HADHB: variants seen among roughly 807,000 people sequenced by gnomAD.
The protein encoded by HADHB is trifunctional enzyme subunit beta, mitochondrial.
In HADHB, 50 loss-of-function variants were observed where a neutral mutation model predicts 61.9. That is an observed-to-expected ratio of 0.81 (90% CI 0.64 to 1.02). HADHB has a LOEUF of 1.02. HADHB is among the 50% of genes least tolerant of loss of function. The pLI, the probability that HADHB is intolerant of heterozygous loss-of-function variation, is 0.00. For missense variants in HADHB, 504 were observed against 586.5 expected (o/e 0.86, Z 1.45); for synonymous variants, 191 against 201.6 (o/e 0.95, Z 0.45).
chr2:26,277,174 G>A lies in HADHB; in HGVS notation c.442+14G>A, dbSNP rs774290329. The A allele has an allele frequency of 2.6e-6, 3 of 1,174,794 alleles. No homozygotes were observed. The South Asian group carries it at 3.6e-5, about 14-fold the overall frequency. The allele number at this position is 1,174,794 out of a possible 1,614,324, so 72.8% of individuals were successfully genotyped here. On this transcript the variant is annotated intron_variant, in intron 7 of 15. Transcript: ENST00000317799. Reference sequence around the variant, plus strand: ...CCATGACCACAGGTATGTTTAAATGGAAACAGACAGTACATGTTAATTATT... The same window carrying A: ...CCATGACCACAGGTATGTTTAAATGAAAACAGACAGTACATGTTAATTATT...
At chr2:26,254,370 A>G (rs1217751282) in intron 2 of HADHB, 52 bp downstream of exon 2, 1 of 1,457,804 alleles carries the variant, frequency 6.9e-7, no homozygotes, top group East Asian at 2.3e-5. Flanking sequence ...GGATTTATAA[A>G]CATCTCGCAC....
intron 6 of HADHB, 87 bp downstream of exon 6, chr2:26,273,837 T>A: frequency 1.3e-6 from 1 of 766,160 alleles, no homozygotes; most frequent in Non-Finnish European, 2.3e-6. Flanking sequence ...TACAAAAGCC[T>A]TTAAAATCTA....
chr2:26,275,470 A>G (rs1574660210), intron 6 of HADHB, among the ~76,000 whole-genome samples: 1 of 152,210 alleles, frequency 6.6e-6, no homozygotes, highest in South Asian at 2.1e-4. Flanking sequence ...AGGGTCACCA[A>G]TAGCCACCTC....
Position 26,279,872 on chromosome 2 carries a change from T to C in HADHB, c.812-122T>C. On this transcript the variant is annotated intron_variant, in intron 9 of 15. Transcript: ENST00000317799. ...ATATGATAATTATAAAACACTTTCC[T>C]TCTAGTGAATAGGTAAGGTTTATAT... 9.7e-6 allele frequency: 7 copies of C among 722,522 alleles called. No individual in the cohort carries two copies. The South Asian group carries it at 1.2e-4, about 12-fold the overall frequency. The allele number at this position is 722,522 out of a possible 1,614,324, so 44.8% of individuals were successfully genotyped here. A position where few individuals can be genotyped will look rare whatever the true frequency, so the allele number is the denominator to read the frequency against.
chr2:26,261,354 G>T, intron 3 of HADHB: 3 of 261,654 alleles, frequency 1.1e-5, no homozygotes, highest in Non-Finnish European at 1.5e-5. Context: ...TGTATTCTAA[G>T]CTTCAATATT....
chr2:26,280,137 A>T, intron 10 of HADHB, 22 bp downstream of exon 10: 4 of 1,596,294 alleles, frequency 2.5e-6, no homozygotes, highest in Non-Finnish European at 3.4e-6. Context: ...TGTTATTTGT[A>T]TTTAGTAGTG....
At chr2:26,289,432 T>TCACTTAACCTTTCAGAGC (rs148806255) in intron 15 of HADHB, among the ~76,000 whole-genome samples, 3,487 of 151,958 alleles carry the variant, frequency 0.023, 132 homozygotes, top group African/African-American at 0.079. Context: ...TTTGGGTGAG[T>TCACTTAACCTTTCAGAGC]CACTTAACCT....
rs768588630 is a variant in HADHB, at chr2:26,278,721, C to A, written c.550C>A (p.Leu184Ile). 1.9e-6 allele frequency: 3 copies of A among 1,613,778 alleles called. No individual in the cohort carries two copies. Among genetic ancestry groups the A allele is most frequent in the Non-Finnish European group, 2.5e-6 (3 of 1,179,794 alleles). ...CTCAAGGAAAATGAGAAAACTGATG[C>A]TTGATCTCAATAAGGCCAAATCTAT... ...RHSRKMRKLM[L>I]DLNKAKSMGQ... Residue 184 changes from leucine (L) to isoleucine (I), a missense_variant, in exon 8 of 16, where the codon CTT becomes ATT. Physicochemically the swap from Leu to Ile is conservative, Grantham distance 5 (BLOSUM62 2). Coordinates refer to ENST00000317799, the MANE Select transcript of HADHB (RefSeq NM_000183.3).
At chr2:26,261,117 G>GCCATAGACACA in intron 3 of HADHB, 1 of 889,762 alleles carries the variant, frequency 1.1e-6, no homozygotes, top group East Asian at 2.6e-5. Flanking sequence ...ACTTAGGGAT[G>GCCATAGACACA]TGTCTATGGC....
intron 6 of HADHB, among the ~76,000 whole-genome samples, chr2:26,276,008 G>A (rs1236412523): frequency 1.3e-5 from 2 of 152,140 alleles, no homozygotes; most frequent in African/African-American, 4.8e-5. Flanking sequence ...GTGTGGGTGT[G>A]TATGTGGGAG....
chr2:26,271,916 T>A (rs1003426629), intron 5 of HADHB, among the ~76,000 whole-genome samples: 2 of 152,210 alleles, frequency 1.3e-5, no homozygotes, highest in Non-Finnish European at 2.9e-5. Flanking sequence ...AAAATTTTTT[T>A]TAAATTTTTA....
chr2:26,279,697 G>T (rs1342021698), intron 9 of HADHB, among the ~76,000 whole-genome samples: 2 of 151,592 alleles, frequency 1.3e-5, no homozygotes, highest in Admixed American at 6.6e-5. Flanking sequence ...TTACATACAT[G>T]CCTGTTTTTA....
rs1553323308 is a variant in HADHB at position 26,285,739 on chromosome 2, G to GTTTTTTTTTTTTTTGTTTTTT, written c.1389+182_1389+183insGTTTTTTTTTTTTTTTTTTTT. Among the ~76,000 whole-genome samples, 4 of 65,082 alleles carry GTTTTTTTTTTTTTTGTTTTTT rather than the reference G, an allele frequency of 6.1e-5. 2 individuals carry two copies. The highest frequency in any genetic ancestry group is 1.1e-4 in the Non-Finnish European group (4 of 34,936). The allele number at this position is 65,082 out of a possible 152,430, so 42.7% of individuals were successfully genotyped here. A position where few individuals can be genotyped will look rare whatever the true frequency, so the allele number is the denominator to read the frequency against. On this transcript the variant is annotated intron_variant, in intron 15 of 15. Coordinates refer to ENST00000317799, the MANE Select transcript of HADHB (RefSeq NM_000183.3). Reference sequence around the variant, plus strand: ...TCTGATAAAACTTTTTGTTTTTTGGGTTTTTTTTTTTTTTTTTTGAGACAG... The same window carrying GTTTTTTTTTTTTTTGTTTTTT: ...TCTGATAAAACTTTTTGTTTTTTGGGTTTTTTTTTTTTTTGTTTTTTTTTTTTTTTTTTTTTTTTGAGACAG...
rs774734737 is a variant in HADHB, at chr2:26,254,415, T to A, written c.65-15T>A. The A allele has an allele frequency of 3.1e-6, 5 of 1,597,366 alleles. No homozygotes were observed. Among genetic ancestry groups the A allele is most frequent in the Non-Finnish European group, 3.4e-6 (4 of 1,164,620 alleles). On this transcript the variant is annotated splice_polypyrimidine_tract_variant and intron_variant, in intron 2 of 15. Transcript: ENST00000317799. The stretch of plus-strand genomic sequence containing the variant: ...ATGGTATTGCTTTTTGTAAACAGTT[T>A]ATTTTGTCTTCCAGCCATAAGACCT...
chr2:26,254,356 AT>A (rs1671527221), intron 2 of HADHB, 38 bp downstream of exon 2: 1 of 1,466,506 alleles, frequency 6.8e-7, no homozygotes, highest in African/African-American at 1.4e-5. Flanking sequence ...TAGAGATTGG[AT>A]TTGGATTTAT....
intron 12 of HADHB, among the ~76,000 whole-genome samples, chr2:26,283,413 A>T (rs1299033085): frequency 6.6e-6 from 1 of 152,014 alleles, no homozygotes; most frequent in Non-Finnish European, 1.5e-5. Flanking sequence ...AGTCCCAGCT[A>T]CTCGGGAGGT....
intron 4 of HADHB, among the ~76,000 whole-genome samples, chr2:26,267,617 C>A (rs1034056713): frequency 6.6e-6 from 1 of 150,568 alleles, no homozygotes. Context: ...ACTAAAAATA[C>A]AAAAATTAGC....
intron 12 of HADHB, among the ~76,000 whole-genome samples, chr2:26,283,811 C>T (rs964706828): frequency 1.3e-5 from 2 of 152,234 alleles, no homozygotes; most frequent in Non-Finnish European, 2.9e-5. Context: ...ACGTTCACAT[C>T]AGTCAAGCCC....
chr2:26,265,531 G>A (rs1053193321), intron 4 of HADHB, among the ~76,000 whole-genome samples: 1 of 152,150 alleles, frequency 6.6e-6, no homozygotes, highest in Non-Finnish European at 1.5e-5. Context: ...GGGAGGTGGA[G>A]GTTGTGATGA....
Sources: allele counts gnomAD v4.1 joint callset (sites outside exome capture counted in the v4.1 genomes callset), GRCh38; gene constraint gnomAD v4.1.1; transcripts MANE v1.5; gene names NCBI Gene and HGNC (gene_info 2026-07-23, HGNC 2026-07-21).